STAT1: variants seen among roughly 807,000 people sequenced by gnomAD.
STAT1 encodes signal transducer and activator of transcription 1.
In STAT1, 24 loss-of-function variants were observed where a neutral mutation model predicts 111.7. The observed-to-expected ratio is 0.21, with a 90% CI of 0.16 to 0.30. The LOEUF (loss-of-function observed/expected upper bound fraction) is 0.30. Ranked by LOEUF, STAT1 falls within the 10% of genes least tolerant of loss-of-function variation. STAT1 has a pLI of 1.00. For synonymous variants in STAT1, 332 were observed against 326.5 expected (o/e 1.02, Z -0.18); for missense variants, 351 against 911.9 (o/e 0.38, Z 7.92).
intron 4 of STAT1, among the ~76,000 whole-genome samples, 164 bp downstream of exon 4, chr2:191,008,799 C>T (rs1207337698): frequency 1.3e-5 from 2 of 152,166 alleles, no homozygotes; most frequent in Admixed American, 6.5e-5. Context: ...TCTTATTTTA[C>T]TTATGCTATA....
At position 191,004,306 on chromosome 2, in the gene STAT1, C is replaced by T. The variant is rs1024401050; in HGVS notation, c.373-3143G>A. On this transcript the variant is annotated intron_variant, in intron 5 of 24. Coordinates refer to ENST00000361099, the MANE Select transcript of STAT1 (RefSeq NM_007315.4). The surrounding 1 kb of genome is among the most constrained non-coding windows in gnomAD (Gnocchi z 5.0). ...CAAACACTGAAGTTGGAAGGGACTT[C>T]GGCTGTCATTGACTCTTACTTTCTC... Among the ~76,000 whole-genome samples the T allele has an allele frequency of 7.9e-5, 12 of 152,208 alleles. No individual in the cohort carries two copies. The highest frequency in any genetic ancestry group is 1.5e-4 in the Non-Finnish European group (10 of 68,042).
chr2:190,993,410 A>G lies in STAT1; in HGVS notation c.944+1651T>C. ...CTTGATTGTTTTCCCGTCTAACTCT[A>G]TAGTTCTTATTTTGAAATCCATACC... is the stretch of plus-strand genomic sequence containing the variant. On this transcript the variant is annotated intron_variant, in intron 10 of 24. Coordinates refer to ENST00000361099, the MANE Select transcript of STAT1 (RefSeq NM_007315.4). This position sits in a 1 kb window ranked among gnomAD's most constrained non-coding sequence, Gnocchi z 4.1. 7.2e-7 allele frequency: 1 copy of G among 1,393,010 alleles called. No homozygotes were observed. The highest frequency in any genetic ancestry group is 1.9e-5 in the Admixed American group (1 of 52,424). 86.3% of individuals were successfully genotyped at this position (1,393,010 alleles called of 1,614,324 possible). A position where few individuals can be genotyped will look rare whatever the true frequency, so the allele number is the denominator to read the frequency against.
chr2:191,001,589 T>C (rs1392517393), intron 5 of STAT1, among the ~76,000 whole-genome samples: 1 of 152,224 alleles, frequency 6.6e-6, no homozygotes, highest in East Asian at 1.9e-4. Flanking sequence ...TCTCAAGGGC[T>C]AATATGATTA....
Position 190,975,795 on chromosome 2 carries a change from C to G in STAT1, c.2135+17G>C. The G allele has an allele frequency of 1.9e-6, 3 of 1,614,036 alleles. No homozygotes were observed. Among genetic ancestry groups the G allele is most frequent in the Non-Finnish European group, 2.5e-6 (3 of 1,179,994 alleles). ...GCTTGAGGTTTGTAAACATGTCACT[C>G]TTCTGTGTTCACTTACACTTCAGAC... is the stretch of plus-strand genomic sequence containing the variant. On this transcript the variant is annotated intron_variant, in intron 23 of 24. Transcript: ENST00000361099. This position sits in a 1 kb window ranked among gnomAD's most constrained non-coding sequence, Gnocchi z 5.9.
chr2:191,013,954 A>C, intron 1 of STAT1, 64 bp downstream of exon 1: 1 of 300,334 alleles, frequency 3.3e-6, no homozygotes, highest in Non-Finnish European at 6.1e-6. Flanking sequence ...GTCCAACTGC[A>C]CGGCCCGAGG....
intron 4 of STAT1, among the ~76,000 whole-genome samples, chr2:191,008,231 T>C (rs1387069069): frequency 8.4e-6 from 1 of 118,806 alleles, no homozygotes; most frequent in Non-Finnish European, 1.7e-5. Context: ...CATAAATACA[T>C]TCACAAAGGA....
chr2:190,980,610 C>T lies in STAT1; in HGVS notation c.1632+10G>A, dbSNP rs765556713. 27 of 1,614,134 alleles carry T rather than the reference C, an allele frequency of 1.7e-5. No homozygotes were observed. The South Asian group carries it at 3.0e-4, about 18-fold the overall frequency. ...GGACTTAGAGAGCATAAAACCCAGA[C>T]AGTCCTCACCTTACAAAACCTCGTC... On this transcript the variant is annotated intron_variant, in intron 19 of 24. Transcript: ENST00000361099. The surrounding 1 kb of genome is among the most constrained non-coding windows in gnomAD (Gnocchi z 6.1).
chr2:190,978,728 T>TTTGGGGTAAGTATAAGATCTG lies in STAT1; in HGVS notation c.1873+107_1873+127dup, dbSNP rs1574640305. 3.1e-5 allele frequency: 38 copies of TTTGGGGTAAGTATAAGATCTG among 1,229,544 alleles called. No homozygotes were observed. The East Asian group carries it at 9.2e-4, about 30-fold the overall frequency. 76.2% of individuals were successfully genotyped at this position (1,229,544 alleles called of 1,614,324 possible). ...TTTATTAAATCCTATCGGGGGCTCA[T>TTTGGGGTAAGTATAAGATCTG]TTGGGGTAAGTATAAGATCTGCAAT... On this transcript the variant is annotated intron_variant, in intron 21 of 24. Transcript: ENST00000361099. The surrounding 1 kb of genome is among the most constrained non-coding windows in gnomAD (Gnocchi z 6.1).
At position 190,985,485 on chromosome 2, in the gene STAT1, T is replaced by C. The variant is rs1692731916; in HGVS notation, c.1263+134A>G. 1.9e-5 allele frequency: 16 copies of C among 858,618 alleles called. No homozygotes were observed. In the South Asian group the frequency reaches 2.3e-4, roughly 12 times the overall value. 53.2% of individuals were successfully genotyped at this position (858,618 alleles called of 1,614,324 possible). On this transcript the variant is annotated intron_variant, in intron 15 of 24. Transcript: ENST00000361099. ...TTACTGTTGTCACAGATATACCAAA[T>C]ACCCAGCTCCTTTGCTGCTCTTCCC...
In STAT1 at chr2:191,010,035, A is replaced by G. The variant is rs201184172; in HGVS notation, c.-1-31T>C. The G allele has an allele frequency of 3.7e-6, 6 of 1,612,352 alleles. No homozygotes were observed. The African/African-American group carries it at 8.0e-5, about 21-fold the overall frequency. On this transcript the variant is annotated intron_variant, in intron 2 of 24. Transcript: ENST00000361099. The stretch of plus-strand genomic sequence containing the variant: ...GGGAAAAAGAATATACATTCTTTCT[A>G]TGTATATGGAAACCATAGCTCCAAA...
chr2:191,010,350 AC>A, intron 2 of STAT1: 1 of 473,698 alleles, frequency 2.1e-6, no homozygotes, highest in Non-Finnish European at 4.4e-6. Context: ...TAGTACTTAC[AC>A]CACCATCTGA....
chr2:191,012,255 T>C lies in STAT1; in HGVS notation c.-2+1270A>G, dbSNP rs923878852. ...TGGTGAAACCTTGTCTCTACTAAAA[T>C]ACAAAAAAAAATTAGCAGGGCATGG... is the stretch of plus-strand genomic sequence containing the variant. On this transcript the variant is annotated intron_variant, in intron 2 of 24. Coordinates refer to ENST00000361099, the MANE Select transcript of STAT1 (RefSeq NM_007315.4). This position sits in a 1 kb window ranked among gnomAD's most constrained non-coding sequence, Gnocchi z 4.0. Among the ~76,000 whole-genome samples, 2 of 151,076 alleles carry C rather than the reference T, an allele frequency of 1.3e-5. No individual in the cohort carries two copies. Among genetic ancestry groups the C allele is most frequent in the East Asian group, 3.9e-4 (2 of 5,072 alleles).
chr2:190,972,582 AC>A (rs1691574980), intron 24 of STAT1, among the ~76,000 whole-genome samples: 1 of 152,198 alleles, frequency 6.6e-6, no homozygotes, highest in African/African-American at 2.4e-5. Context: ...TTCAGAGTAT[AC>A]ACTCTGATTC....
In STAT1 at chr2:190,976,857, T is replaced by C; in HGVS notation, c.2042A>G (p.Tyr681Cys). The part of the protein sequence containing the change: ...IDKDHAFGKY[Y>C]SRPKEAPEPM... ...CCACTTACCTTCCTTTGGCCTGGAG[T>C]AATACTTTCCAAAGGCATGGTCTTT... is the stretch of plus-strand genomic sequence containing the variant. Residue 681 changes from tyrosine to cysteine, a missense_variant, in exon 22 of 25, where the codon TAC (tyrosine) becomes TGC (cysteine). Tyr to Cys is a radical substitution (Grantham distance 194, BLOSUM62 -2). Coordinates refer to ENST00000361099, the MANE Select transcript of STAT1 (RefSeq NM_007315.4). This position sits in a 1 kb window ranked among gnomAD's most constrained non-coding sequence, Gnocchi z 6.0. 6.2e-7 allele frequency: 1 copy of C among 1,614,156 alleles called. No homozygotes were observed. Among genetic ancestry groups the C allele is most frequent in the Non-Finnish European group, 8.5e-7 (1 of 1,180,000 alleles).
chr2:191,009,349 A>T (rs1694952675), intron 3 of STAT1, among the ~76,000 whole-genome samples: 1 of 152,236 alleles, frequency 6.6e-6, no homozygotes, highest in Non-Finnish European at 1.5e-5. Flanking sequence ...GTTCATGGTG[A>T]CTATCTCTGA....
intron 3 of STAT1, 64 bp from the exon 4 acceptor site, chr2:191,009,171 C>T (rs1694935250): frequency 6.4e-7 from 1 of 1,558,592 alleles, no homozygotes; most frequent in African/African-American, 1.4e-5. Context: ...ACAGACAAAA[C>T]AAATGTTGGT....
rs1691374049 is a variant in STAT1 at position 190,970,531 on chromosome 2, CTGA to C, written c.*169_*171del. The C allele has an allele frequency of 1.4e-6, 1 of 724,322 alleles. No homozygotes were observed. The highest frequency in any genetic ancestry group is 2.5e-6 in the Non-Finnish European group (1 of 405,680). The allele number at this position is 724,322 out of a possible 1,614,324, so 44.9% of individuals were successfully genotyped here. ...AGATGCATGATGCCCTTCAGAGTAA[CTGA>C]TGTTTCTGAGTTAGAGAAAAATTCA... On this transcript the variant is annotated 3_prime_UTR_variant, in exon 25 of 25. Coordinates refer to ENST00000361099, the MANE Select transcript of STAT1 (RefSeq NM_007315.4). The surrounding 1 kb of genome is among the most constrained non-coding windows in gnomAD (Gnocchi z 5.4).
Position 190,986,829 on chromosome 2 carries a change from A to G in STAT1, c.1221+25T>C, listed in dbSNP as rs1426240003. 8 of 1,606,932 alleles carry G rather than the reference A, an allele frequency of 5.0e-6. No homozygotes were observed. The Admixed American group carries it at 1.0e-4, about 20-fold the overall frequency. On this transcript the variant is annotated intron_variant, in intron 14 of 24. Coordinates refer to ENST00000361099, the MANE Select transcript of STAT1 (RefSeq NM_007315.4). The surrounding 1 kb of genome is among the most constrained non-coding windows in gnomAD (Gnocchi z 5.0). ...AAAGTCCTAAGAAACCAGAGACAAC[A>G]TAGAGAGGAAACTGATGTCCCTACC...
intron 15 of STAT1, among the ~76,000 whole-genome samples, chr2:190,985,358 A>T (rs994202603): frequency 1.3e-5 from 2 of 152,374 alleles, no homozygotes; most frequent in Non-Finnish European, 2.9e-5. Flanking sequence ...GATGCGAAGA[A>T]TACAAAAGCC....
Sources: gnomAD v4.1 joint callset for allele counts (sites outside exome capture counted in the v4.1 genomes callset) on GRCh38, gnomAD v4.1.1 for gene constraint, Gnocchi (gnomAD v3.1) non-coding constraint, MANE v1.5 for transcripts, NCBI Gene and HGNC (gene_info 2026-07-23, HGNC 2026-07-21) for gene names.